The following TFAP2D variants were observed in gnomAD, a reference collection of about 807,000 sequenced individuals.
TFAP2D encodes transcription factor AP-2 delta, also known as transcription factor AP-2-delta.
A neutral mutation model predicts 43.6 loss-of-function variants in TFAP2D; 9 were observed. The ratio of observed to expected loss-of-function variants is 0.21; its 90% CI spans 0.12 to 0.36. The LOEUF is 0.36. Among genes scored for constraint, TFAP2D ranks in the 10% least tolerant of loss-of-function variants. The pLI is 1.00. For missense variants in TFAP2D, 513 were observed against 561.4 expected, an observed-to-expected ratio of 0.91 and a Z score of 0.87; for synonymous variants, 256 against 224.9, an observed-to-expected ratio of 1.14 and a Z score of -1.24.
At chr6:50,760,668 G>A (rs892550876) in intron 7 of TFAP2D, among the ~76,000 whole-genome samples, 1 of 151,972 alleles carries the variant, frequency 6.6e-6, no homozygotes, top group African/African-American at 2.4e-5. Context: ...ATCATCAACT[G>A]GTTTCACCTT....
In TFAP2D at chr6:50,745,129, G is replaced by C. The variant is rs1769107250; in HGVS notation, c.906G>C (p.Arg302=). The C allele has an allele frequency of 6.2e-7, 1 of 1,613,474 alleles. No homozygotes were observed. Among genetic ancestry groups the C allele is most frequent in the Non-Finnish European group, 8.5e-7 (1 of 1,179,772 alleles). ...LVEGEALHLA[R]DFGYTCETEF... ...CAGGGGAGGCTTTGCACTTGGCTCG[G>C]GATTTTGGCTACACTTGTGAAACAG... Residue 302 remains arginine, a synonymous_variant, in exon 6 of 8, where the codon CGG becomes CGC. Coordinates refer to ENST00000008391, the MANE Select transcript of TFAP2D (RefSeq NM_172238.4).
intron 5 of TFAP2D, among the ~76,000 whole-genome samples, 162 bp from the exon 6 acceptor site, chr6:50,744,945 C>G (rs1469200528): frequency 3.3e-5 from 5 of 152,164 alleles, no homozygotes; most frequent in Admixed American, 1.3e-4. Flanking sequence ...TCCTCATTAC[C>G]TCCCCTCCTC....
At chr6:50,745,510 C>T (rs1769113714) in intron 6 of TFAP2D, among the ~76,000 whole-genome samples, 1 of 152,116 alleles carries the variant, frequency 6.6e-6, no homozygotes, top group Admixed American at 6.6e-5. Context: ...ATGCAGAAAT[C>T]CCTTGGAGAA....
At chr6:50,746,321 C>T (rs1769124796) in intron 6 of TFAP2D, among the ~76,000 whole-genome samples, 1 of 152,032 alleles carries the variant, frequency 6.6e-6, no homozygotes, top group Non-Finnish European at 1.5e-5. Context: ...ACTACAGACT[C>T]ACCCTCCCCA....
At chr6:50,768,313 T>C (rs1171358241) in intron 7 of TFAP2D, among the ~76,000 whole-genome samples, 1 of 144,392 alleles carries the variant, frequency 6.9e-6, no homozygotes, top group Non-Finnish European at 1.5e-5. Flanking sequence ...TATTCCTCTC[T>C]CCTTTTCTTT....
chr6:50,760,811 G>C lies in TFAP2D; in HGVS notation c.1139+9487G>C, dbSNP rs1202770932. Among the ~76,000 whole-genome samples, 2 of 151,954 alleles carry C rather than the reference G, an allele frequency of 1.3e-5. 1 individual carries two copies. The highest frequency in any genetic ancestry group is 3.9e-4 in the East Asian group (2 of 5,162). On this transcript the variant is annotated intron_variant, in intron 7 of 7. Coordinates refer to ENST00000008391, the MANE Select transcript of TFAP2D (RefSeq NM_172238.4). ...CATTTAGAAGTTGTGCTGCTTTAGA[G>C]ATAAAGTGTCTAATACTCAGAGCCG...
chr6:50,759,763 T>G (rs1042405021), intron 7 of TFAP2D, among the ~76,000 whole-genome samples: 1 of 152,038 alleles, frequency 6.6e-6, no homozygotes, highest in East Asian at 1.9e-4. Context: ...ATGATTTTTA[T>G]TTTAGCCTGC....
chr6:50,768,511 G>T (rs1769477630), intron 7 of TFAP2D, among the ~76,000 whole-genome samples: 1 of 151,786 alleles, frequency 6.6e-6, no homozygotes, highest in African/African-American at 2.4e-5. Context: ...CTCCTTTTCT[G>T]TATGTCACTG....
chr6:50,768,524 A>T (rs2113896060), intron 7 of TFAP2D, among the ~76,000 whole-genome samples: 1 of 152,118 alleles, frequency 6.6e-6, no homozygotes, highest in South Asian at 2.1e-4. Flanking sequence ...TGTCACTGTG[A>T]ATGAGATACA....
rs1768613915 is a variant in TFAP2D, at chr6:50,715,737, TCTCTCTCTCTCTCACA to T, written c.537+126_537+141del. 4 of 764,262 alleles carry T rather than the reference TCTCTCTCTCTCTCACA, an allele frequency of 5.2e-6. No homozygotes were observed. The African/African-American group carries it at 5.5e-5, about 10-fold the overall frequency. 47.3% of individuals were successfully genotyped at this position (764,262 alleles called of 1,614,324 possible). Reference sequence around the variant, plus strand: ...CTCTCTTCTCCTCTCTCTCTCTCTCTCTCTCTCTCTCTCACACACACACACACACACACACACACAC... The same window carrying T: ...CTCTCTTCTCCTCTCTCTCTCTCTCTCACACACACACACACACACACACAC... On this transcript the variant is annotated intron_variant, in intron 2 of 7. Transcript: ENST00000008391.
At chr6:50,722,882 T>G (rs1473422690) in intron 3 of TFAP2D, among the ~76,000 whole-genome samples, 1 of 152,194 alleles carries the variant, frequency 6.6e-6, no homozygotes, top group Non-Finnish European at 1.5e-5. Flanking sequence ...TGTTTCGCTT[T>G]GTGATCATTC....
intron 7 of TFAP2D, among the ~76,000 whole-genome samples, chr6:50,766,829 T>C (rs62405415): frequency 4.0e-5 from 6 of 151,628 alleles, no homozygotes; most frequent in Admixed American, 2.6e-4. Flanking sequence ...CCACCGCGCC[T>C]GGCTAATTTT....
intron 2 of TFAP2D, among the ~76,000 whole-genome samples, chr6:50,716,451 G>A (rs1561930107): frequency 7.0e-6 from 1 of 142,540 alleles, no homozygotes; most frequent in Admixed American, 6.9e-5. Flanking sequence ...AGGAAGGAAG[G>A]AAGGAGAAAA....
chr6:50,762,330 T>C (rs1224106412), intron 7 of TFAP2D, among the ~76,000 whole-genome samples: 1 of 151,940 alleles, frequency 6.6e-6, no homozygotes, highest in African/African-American at 2.4e-5. Context: ...ATTTTACAAG[T>C]CCACAGGTGC....
At position 50,766,511 on chromosome 6, in the gene TFAP2D, C is replaced by T. The variant is rs566079006; in HGVS notation, c.1140-6134C>T. 6.6e-5 allele frequency among the ~76,000 whole-genome samples: 10 copies of T among 152,094 alleles called. No individual in the cohort carries two copies. The South Asian group carries it at 1.9e-3, about 28-fold the overall frequency. Reference sequence around the variant, plus strand: ...TGAACACAGGTTATCGCTTTCCATTCATTCGTGCCTTCTTTAATTTCTTTC... The same window carrying T: ...TGAACACAGGTTATCGCTTTCCATTTATTCGTGCCTTCTTTAATTTCTTTC... On this transcript the variant is annotated intron_variant, in intron 7 of 7. Transcript: ENST00000008391.
At chr6:50,769,185 C>T (rs760524143) in intron 7 of TFAP2D, among the ~76,000 whole-genome samples, 5 of 152,268 alleles carry the variant, frequency 3.3e-5, no homozygotes, top group Non-Finnish European at 7.4e-5. Context: ...TGAGCCACTG[C>T]GCCCAGCCCT....
intron 7 of TFAP2D, among the ~76,000 whole-genome samples, chr6:50,760,885 G>A (rs940837566): frequency 1.6e-4 from 24 of 151,328 alleles, no homozygotes; most frequent in African/African-American, 5.8e-4. Context: ...CTTTGCTGTT[G>A]TTGTTGAGGG....
chr6:50,757,778 T>TTATATATATAGAATATATATAAA (rs1769308394), intron 7 of TFAP2D, among the ~76,000 whole-genome samples: 1 of 77,196 alleles, frequency 1.3e-5, no homozygotes, highest in African/African-American at 4.9e-5. Flanking sequence ...ATATATATAA[T>TTATATATATAGAATATATATAAA]TATTCTATAT....
At chr6:50,747,389 C>T (rs1449111120) in intron 6 of TFAP2D, among the ~76,000 whole-genome samples, 1 of 152,084 alleles carries the variant, frequency 6.6e-6, no homozygotes, top group Non-Finnish European at 1.5e-5. Context: ...CAGGATCATG[C>T]AGGTTTACCA....
Sources: gnomAD v4.1 joint callset for allele counts (sites outside exome capture counted in the v4.1 genomes callset) on GRCh38, gnomAD v4.1.1 for gene constraint, MANE v1.5 for transcripts, NCBI Gene and HGNC (gene_info 2026-07-23, HGNC 2026-07-21) for gene names.